L3MBTL4: variants seen among roughly 807,000 people sequenced by gnomAD.
L3MBTL4 encodes the protein L3MBTL histone methyl-lysine binding protein 4.
L3MBTL4 carries 70 observed loss-of-function variants against 84.5 expected under a neutral mutation model. That is an observed-to-expected ratio of 0.83 (90% CI 0.68 to 1.01). L3MBTL4 has a LOEUF of 1.01. L3MBTL4 is among the 50% of genes least tolerant of loss of function. The probability of loss-of-function intolerance (pLI) is 0.00; values close to 1 mark genes in which losing one functional copy is unlikely to be tolerated. For synonymous variants in L3MBTL4, 274 were observed against 259.8 expected, an observed-to-expected ratio of 1.05 and a Z score of -0.52; for missense variants, 715 against 754.8, an observed-to-expected ratio of 0.95 and a Z score of 0.62.
chr18:6,000,264 C>A (rs2054156180), intron 16 of L3MBTL4, among the ~76,000 whole-genome samples: 1 of 151,972 alleles, frequency 6.6e-6, no homozygotes, highest in African/African-American at 2.4e-5. Flanking sequence ...TGTTTGGAAA[C>A]ACAAAATAAA....
chr18:6,409,590 GCAT>G (rs2055881549), intron 1 of L3MBTL4, among the ~76,000 whole-genome samples: 2 of 152,170 alleles, frequency 1.3e-5, no homozygotes, highest in Non-Finnish European at 2.9e-5. Flanking sequence ...GTGTTTGGGT[GCAT>G]GTGCCCATGT....
chr18:6,044,075 T>C (rs570009263), intron 16 of L3MBTL4, among the ~76,000 whole-genome samples: 1 of 152,352 alleles, frequency 6.6e-6, no homozygotes, highest in African/African-American at 2.4e-5. Context: ...CATTATTTTA[T>C]AATGTATATT....
In L3MBTL4 at chr18:6,342,161, C is replaced by G. The variant is rs575684298; in HGVS notation, c.-90-30105G>C. ...TCTTCAAAGTTTAAACAAAAGGACA[C>G]TAATTAGCAATGTGAAAACATATGA... is the stretch of plus-strand genomic sequence containing the variant. On this transcript the variant is annotated intron_variant, in intron 1 of 18. Coordinates refer to ENST00000317931, the MANE Select transcript of L3MBTL4 (RefSeq NM_001330559.2). Among the ~76,000 whole-genome samples the G allele has an allele frequency of 3.9e-5, 6 of 152,196 alleles. No individual in the cohort carries two copies. The East Asian group carries it at 1.2e-3, about 29-fold the overall frequency.
At chr18:6,354,502 A>G (rs2053346091) in intron 1 of L3MBTL4, among the ~76,000 whole-genome samples, 1 of 152,188 alleles carries the variant, frequency 6.6e-6, no homozygotes, top group Admixed American at 6.5e-5. Context: ...AACCCACAGA[A>G]TGGGAGAGAA....
At chr18:6,284,500 G>C (rs2049470966) in intron 4 of L3MBTL4, among the ~76,000 whole-genome samples, 1 of 152,190 alleles carries the variant, frequency 6.6e-6, no homozygotes, top group African/African-American at 2.4e-5. Context: ...TCAGCCGGGC[G>C]AGGCGGGAGG....
chr18:6,411,922 CTATAA>C (rs1304852869), intron 1 of L3MBTL4, among the ~76,000 whole-genome samples: 1 of 152,078 alleles, frequency 6.6e-6, no homozygotes, highest in Non-Finnish European at 1.5e-5. Context: ...AATATATTTC[CTATAA>C]TATATTAATA....
At chr18:6,133,623 G>A (rs2059942507) in intron 14 of L3MBTL4, among the ~76,000 whole-genome samples, 1 of 152,156 alleles carries the variant, frequency 6.6e-6, no homozygotes, top group Non-Finnish European at 1.5e-5. Context: ...GGGTAGCTAG[G>A]CAGACATGAG....
intron 14 of L3MBTL4, among the ~76,000 whole-genome samples, chr18:6,123,516 C>T (rs1475635856): frequency 5.3e-5 from 8 of 152,182 alleles, no homozygotes; most frequent in African/African-American, 1.9e-4. Flanking sequence ...TCTTGCCAGC[C>T]ACCATGTAAG....
At chr18:6,076,877 T>A (rs2057871480) in intron 16 of L3MBTL4, among the ~76,000 whole-genome samples, 2 of 152,168 alleles carry the variant, frequency 1.3e-5, no homozygotes, top group South Asian at 4.1e-4. Context: ...TCCAAAGGTA[T>A]CTCACAGGTG....
intron 16 of L3MBTL4, among the ~76,000 whole-genome samples, chr18:6,043,718 C>T (rs1224379904): frequency 6.6e-6 from 1 of 152,166 alleles, no homozygotes; most frequent in Non-Finnish European, 1.5e-5. Context: ...CAATGTACCC[C>T]AATGCCTAAC....
At chr18:5,971,651 C>T (rs368469614) in intron 16 of L3MBTL4, among the ~76,000 whole-genome samples, 1 of 152,110 alleles carries the variant, frequency 6.6e-6, no homozygotes, top group Non-Finnish European at 1.5e-5. Flanking sequence ...ACACAAAAAC[C>T]GGAAAGCTGT....
intron 1 of L3MBTL4, among the ~76,000 whole-genome samples, chr18:6,392,857 T>C (rs1472588072): frequency 1.3e-5 from 2 of 152,184 alleles, no homozygotes; most frequent in Non-Finnish European, 2.9e-5. Context: ...CATTTATAAG[T>C]GTGAGCTCAG....
intron 16 of L3MBTL4, among the ~76,000 whole-genome samples, chr18:6,043,160 T>G (rs2056474254): frequency 6.6e-6 from 1 of 152,206 alleles, no homozygotes; most frequent in Non-Finnish European, 1.5e-5. Context: ...TGCACAAGTC[T>G]GAGCATCATT....
intron 14 of L3MBTL4, among the ~76,000 whole-genome samples, chr18:6,106,820 G>T (rs1236260901): frequency 1.3e-5 from 2 of 152,102 alleles, no homozygotes; most frequent in East Asian, 3.9e-4. Flanking sequence ...GGAAGCAAAA[G>T]CCTCTGCCAT....
At chr18:6,244,620 T>C in intron 5 of L3MBTL4, 32 bp from the exon 6 acceptor site, 1 of 1,397,688 alleles carries the variant, frequency 7.2e-7, no homozygotes, top group Non-Finnish European at 1.0e-6. Flanking sequence ...CATTAGCCAC[T>C]GAGATTTCAT....
chr18:6,200,075 G>T (rs73383984), intron 12 of L3MBTL4, among the ~76,000 whole-genome samples: 11,507 of 152,224 alleles, frequency 0.076, 1,441 homozygotes, highest in African/African-American at 0.26. Context: ...AAGAAGAGGG[G>T]TTAAGGGATA....
intron 16 of L3MBTL4, among the ~76,000 whole-genome samples, chr18:6,049,562 G>T (rs1168906634): frequency 6.6e-6 from 1 of 152,156 alleles, no homozygotes; most frequent in Non-Finnish European, 1.5e-5. Flanking sequence ...CATATCTTTT[G>T]CAACAACGTG....
At chr18:6,202,734 G>C (rs114268406) in intron 12 of L3MBTL4, among the ~76,000 whole-genome samples, 1 of 152,146 alleles carries the variant, frequency 6.6e-6, no homozygotes, top group African/African-American at 2.4e-5. Flanking sequence ...CAATTTGGTA[G>C]ATCAGGCTAC....
intron 16 of L3MBTL4, among the ~76,000 whole-genome samples, chr18:6,077,890 A>G (rs2057914546): frequency 6.6e-6 from 1 of 151,944 alleles, no homozygotes; most frequent in African/African-American, 2.4e-5. Context: ...TTAGCTGGGC[A>G]TGGTGGCGTG....
Sources: gnomAD v4.1 joint callset for allele counts (sites outside exome capture counted in the v4.1 genomes callset) on GRCh38, gnomAD v4.1.1 for gene constraint, MANE v1.5 for transcripts, NCBI Gene and HGNC (gene_info 2026-07-23, HGNC 2026-07-21) for gene names.